The following COG4 variants were observed in gnomAD, a reference collection of about 807,000 sequenced individuals.
The protein encoded by COG4 is component of oligomeric golgi complex 4.
In COG4, 65 loss-of-function variants were observed where a neutral mutation model predicts 95.1. The ratio of observed to expected loss-of-function variants is 0.68; its 90% CI spans 0.56 to 0.84. The LOEUF (loss-of-function observed/expected upper bound fraction) is 0.84. Ranked by LOEUF, COG4 falls within the 40% of genes least tolerant of loss-of-function variation. The pLI is 0.00. For synonymous variants in COG4, 421 were observed against 374.8 expected (o/e 1.12, Z -1.42); for missense variants, 1,045 against 989.1 (o/e 1.06, Z -0.76).
intron 1 of COG4, chr16:70,523,001 G>C (rs909346066): frequency 7.3e-6 from 2 of 275,462 alleles, no homozygotes; most frequent in African/African-American, 4.5e-5. Context: ...GGATGAGAGC[G>C]TTTCATAATT....
intron 13 of COG4, among the ~76,000 whole-genome samples, chr16:70,485,587 GTT>G (rs764600650): frequency 8.9e-5 from 11 of 124,114 alleles, no homozygotes; most frequent in African/African-American, 1.2e-4. Flanking sequence ...TGTTTTTTTT[GTT>G]TTTTTTTTTT....
chr16:70,505,197 C>CTTTT (rs767606425), intron 8 of COG4, among the ~76,000 whole-genome samples: 4 of 122,668 alleles, frequency 3.3e-5, no homozygotes, highest in African/African-American at 6.6e-5. Flanking sequence ...TTTGGATTTT[C>CTTTT]TTTTTTTTTT....
intron 17 of COG4, 55 bp from the exon 18 acceptor site, chr16:70,481,542 C>T: frequency 4.4e-6 from 7 of 1,608,886 alleles, no homozygotes; most frequent in Non-Finnish European, 5.9e-6. Flanking sequence ...CAGAACTGGC[C>T]TCCAGTTGCC....
chr16:70,490,763 CA>C (rs1202113599), intron 12 of COG4, among the ~76,000 whole-genome samples: 1 of 151,960 alleles, frequency 6.6e-6, no homozygotes, highest in Admixed American at 6.6e-5. Flanking sequence ...GGGTTCATGC[CA>C]TTCTCCTGCC....
At chr16:70,487,655 C>G (rs1057050730) in intron 13 of COG4, among the ~76,000 whole-genome samples, 3 of 152,212 alleles carry the variant, frequency 2.0e-5, no homozygotes, top group African/African-American at 7.2e-5. Context: ...TTATGTTGTA[C>G]AAGTGTTCAC....
chr16:70,480,743 G>A lies in COG4; in HGVS notation c.*267C>T. ...GACCATCCATGCAGAAAGCTGGCCT[G>A]GGCTGCTCGCTGCCTGCCGTGGCTT... On this transcript the variant is annotated 3_prime_UTR_variant, in exon 19 of 19. Transcript: ENST00000323786. The A allele has an allele frequency of 9.8e-6, 5 of 512,734 alleles. No homozygotes were observed. Among genetic ancestry groups the A allele is most frequent in the South Asian group, 8.2e-5 (4 of 48,838 alleles). 31.8% of individuals were successfully genotyped at this position (512,734 alleles called of 1,614,324 possible).
In COG4 at chr16:70,483,878, G is replaced by A; in HGVS notation, c.1802C>T (p.Ser601Phe). 6.2e-7 allele frequency: 1 copy of A among 1,613,438 alleles called. No homozygotes were observed. Among genetic ancestry groups the A allele is most frequent in the South Asian group, 1.1e-5 (1 of 91,078 alleles). Residue 601 changes from serine to phenylalanine, a missense_variant, in exon 14 of 19, where the codon TCC becomes TTC. Transcript: ENST00000323786. ...DSCLSDLAAV[S>F]NKFRDLLQEG... ...CTGCAAGAGGTCTCGGAATTTGTTG[G>A]ACACGGCGGCCAAGTCAGAAAGGCA...
chr16:70,519,808 T>A (rs765508974), intron 1 of COG4, 77 bp from the exon 2 acceptor site: 9 of 1,054,094 alleles, frequency 8.5e-6, no homozygotes, highest in African/African-American at 1.5e-5. Flanking sequence ...ATCACTTAGC[T>A]GAAGGGTGAA....
chr16:70,508,589 T>C (rs1202578804), intron 7 of COG4, 125 bp from the exon 8 acceptor site: 2 of 852,678 alleles, frequency 2.3e-6, no homozygotes, highest in Non-Finnish European at 2.0e-6. Flanking sequence ...AGGTTTACCT[T>C]CCCTTCAAGC....
At chr16:70,504,515 G>A (rs140182616) in intron 8 of COG4, among the ~76,000 whole-genome samples, 27 of 151,444 alleles carry the variant, frequency 1.8e-4, no homozygotes, top group African/African-American at 5.8e-4. Flanking sequence ...GCAGAGGCAC[G>A]AGAACTGCTT....
chr16:70,514,543 C>T, intron 3 of COG4, 34 bp from the exon 4 acceptor site: 1 of 1,603,602 alleles, frequency 6.2e-7, no homozygotes, highest in South Asian at 1.1e-5. Context: ...AAACAATGTC[C>T]TATTCTTTCA....
intron 8 of COG4, among the ~76,000 whole-genome samples, chr16:70,507,596 C>T (rs561547770): frequency 6.6e-6 from 1 of 152,170 alleles, no homozygotes; most frequent in East Asian, 1.9e-4. Flanking sequence ...TATGGTGGCT[C>T]ATGCCTATAA....
At chr16:70,495,047 T>C (rs2151747846) in intron 12 of COG4, among the ~76,000 whole-genome samples, 1 of 152,228 alleles carries the variant, frequency 6.6e-6, no homozygotes, top group South Asian at 2.1e-4. Flanking sequence ...TTTAGGCTTC[T>C]CTCTCTGCAA....
Position 70,482,408 on chromosome 16 carries a change from T to C in COG4, c.1921-233A>G. 3 of 622,744 alleles carry C rather than the reference T, an allele frequency of 4.8e-6. No homozygotes were observed. In the South Asian group the frequency reaches 5.7e-5, roughly 12 times the overall value. 38.6% of individuals were successfully genotyped at this position (622,744 alleles called of 1,614,324 possible). A position where few individuals can be genotyped will look rare whatever the true frequency, so the allele number is the denominator to read the frequency against. ...CATGGTAAAGTTCCTGGCATTTTATTCCTTCTTGGATCTCTTGTTCTACAG... is the reference window on the plus strand; with the variant it reads ...CATGGTAAAGTTCCTGGCATTTTATCCCTTCTTGGATCTCTTGTTCTACAG... On this transcript the variant is annotated intron_variant, in intron 15 of 18. Transcript: ENST00000323786.
At chr16:70,482,406 A>C (rs964822328) in intron 15 of COG4, 2 of 622,694 alleles carry the variant, frequency 3.2e-6, no homozygotes, top group Non-Finnish European at 5.7e-6. Flanking sequence ...CTGGCATTTT[A>C]TTCCTTCTTG....
Position 70,508,444 on chromosome 16 carries a change from G to A in COG4, c.1023C>T (p.Asn341=). The A allele has an allele frequency of 6.2e-7, 1 of 1,614,080 alleles. No individual in the cohort carries two copies. Among genetic ancestry groups the A allele is most frequent in the Non-Finnish European group, 8.5e-7 (1 of 1,179,998 alleles). ...TTTCTGTTGTAGAATTTCTCATCAG[G>A]TTGTTCTGAACATGCCGGAACTGCA... ...YHQQFRHVQN[N]LMRNSTTEKI... Residue 341 remains asparagine (N), a synonymous_variant, in exon 8 of 19, where the codon AAC becomes AAT. Transcript: ENST00000323786.
intron 12 of COG4, among the ~76,000 whole-genome samples, chr16:70,495,701 A>G (rs2049326893): frequency 6.6e-6 from 1 of 152,218 alleles, no homozygotes; most frequent in Non-Finnish European, 1.5e-5. Flanking sequence ...GTTGCTTTGT[A>G]CAAATCCTTT....
chr16:70,515,027 T>TTTC (rs1567395421), intron 3 of COG4, among the ~76,000 whole-genome samples: 1 of 150,492 alleles, frequency 6.6e-6, no homozygotes, highest in African/African-American at 2.5e-5. Flanking sequence ...TTTTTTTTTT[T>TTTC]CTTCTTGAGA....
At chr16:70,481,241 G>A (rs1466599709) in intron 18 of COG4, 97 bp from the exon 19 acceptor site, 1 of 1,607,614 alleles carries the variant, frequency 6.2e-7, no homozygotes, top group Non-Finnish European at 8.5e-7. Context: ...ACCCGGGAAG[G>A]GGAAGGTGTC....
Sources: gnomAD v4.1 joint callset for allele counts (sites outside exome capture counted in the v4.1 genomes callset) on GRCh38, gnomAD v4.1.1 for gene constraint, MANE v1.5 for transcripts, NCBI Gene and HGNC (gene_info 2026-07-23, HGNC 2026-07-21) for gene names.